CEP192: variants seen among roughly 807,000 people sequenced by gnomAD.
CEP192 encodes the protein centrosomal protein of 192 kDa.
In CEP192, 151 loss-of-function variants were observed where a neutral mutation model predicts 271.8. The observed-to-expected ratio is 0.56, with a 90% CI of 0.49 to 0.64. The LOEUF (loss-of-function observed/expected upper bound fraction) is 0.64, where lower values mean the gene tolerates loss of function less well. Among genes scored for constraint, CEP192 ranks in the 30% least tolerant of loss-of-function variants. The pLI is 0.00. For missense variants in CEP192, 2,910 were observed against 3,020.5 expected, an observed-to-expected ratio of 0.96 and a Z score of 0.86; for synonymous variants, 995 against 1,076.5, an observed-to-expected ratio of 0.92 and a Z score of 1.48.
Position 13,049,034 on chromosome 18 carries a change from A to C in CEP192, c.2243A>C (p.Lys748Thr), listed in dbSNP as rs771893737. The C allele has an allele frequency of 6.2e-7, 1 of 1,614,182 alleles. No homozygotes were observed. ...IKALSNKTRD[K>T]TFQEDEKQKD... ...GCACTTTCAAATAAAACCAGAGACA[A>C]GACTTTTCAGGAAGATGAGAAACAA... The change falls in exon 16 of 45, where the codon AAG becomes ACG. Residue 748 changes from lysine to threonine, a missense_variant. By Grantham distance (78) the Lys-to-Thr change is moderately conservative. Transcript: ENST00000506447.
intron 4 of CEP192, among the ~76,000 whole-genome samples, chr18:13,009,788 G>A (rs1485775834): frequency 2.0e-5 from 3 of 152,214 alleles, no homozygotes; most frequent in South Asian, 4.1e-4. Context: ...AGCCGAGATC[G>A]TGCCACTGTA....
Position 13,003,206 on chromosome 18 carries a change from T to C in CEP192, c.290+1624T>C, listed in dbSNP as rs546055118. Among the ~76,000 whole-genome samples, 6 of 152,198 alleles carry C rather than the reference T, an allele frequency of 3.9e-5. No individual in the cohort carries two copies. The South Asian group carries it at 1.0e-3, about 26-fold the overall frequency. Reference sequence around the variant, plus strand: ...GCTCTTGCCTGTAATCCCAACACTTTGGAAGCCTAAGGCAGGTAGATCGCC... The same window carrying C: ...GCTCTTGCCTGTAATCCCAACACTTCGGAAGCCTAAGGCAGGTAGATCGCC... On this transcript the variant is annotated intron_variant, in intron 3 of 44. Coordinates refer to ENST00000506447, the MANE Select transcript of CEP192 (RefSeq NM_032142.4).
Position 13,105,042 on chromosome 18 carries a change from C to T in CEP192, c.7010C>T (p.Pro2337Leu). 2 of 1,614,082 alleles carry T rather than the reference C, an allele frequency of 1.2e-6. No individual in the cohort carries two copies. The change falls in exon 40 of 45, where the codon CCT (proline) becomes CTT (leucine). Residue 2337 changes from proline (P) to leucine (L), a missense_variant. By Grantham distance (98) the Pro-to-Leu change is moderately conservative. Transcript: ENST00000506447. ...RATYAAFRCS[P>L]ISGLLESHGI... ...ACCTATGCAGCATTCAGATGTTCTC[C>T]TATTTCTGGTCTGCTGGAAAGCCAT...
At chr18:13,007,949 G>C (rs774145457) in intron 3 of CEP192, among the ~76,000 whole-genome samples, 13 of 152,150 alleles carry the variant, frequency 8.5e-5, no homozygotes, top group Admixed American at 3.9e-4. Context: ...TTTGGAGTAG[G>C]GTGGGAGGAA....
Position 13,038,518 on chromosome 18 carries a change from A to G in CEP192, c.1748A>G (p.Glu583Gly). ...AGTTATTTACGTCTGTCTTTAGGAGAGTTCTTTGCTCAAAGATCTGAAGCT... is the reference window on the plus strand; with the variant it reads ...AGTTATTTACGTCTGTCTTTAGGAGGGTTCTTTGCTCAAAGATCTGAAGCT... The part of the protein sequence containing the change: ...DASYLRLSLG[E>G]FFAQRSEALG... Residue 583 changes from glutamate (E) to glycine (G), a missense_variant, in exon 13 of 45, where the codon GAG becomes GGG. Coordinates refer to ENST00000506447, the MANE Select transcript of CEP192 (RefSeq NM_032142.4). 1 of 1,551,566 alleles carries G rather than the reference A, an allele frequency of 6.4e-7. No homozygotes were observed. Among genetic ancestry groups the G allele is most frequent in the Non-Finnish European group, 8.7e-7 (1 of 1,146,966 alleles).
intron 38 of CEP192, among the ~76,000 whole-genome samples, chr18:13,102,391 G>A (rs983478045): frequency 6.6e-6 from 1 of 151,742 alleles, no homozygotes; most frequent in Non-Finnish European, 1.5e-5. Context: ...TTGTTGATTC[G>A]TCTCCACCAG....
chr18:13,070,644 C>A (rs940552624), intron 27 of CEP192, among the ~76,000 whole-genome samples: 4 of 152,214 alleles, frequency 2.6e-5, no homozygotes, highest in African/African-American at 9.6e-5. Context: ...TATCCCCCTG[C>A]CTGGGTTATA....
chr18:13,008,319 C>G, intron 3 of CEP192, 137 bp from the exon 4 acceptor site: 1 of 657,388 alleles, frequency 1.5e-6, no homozygotes, highest in Admixed American at 3.0e-5. Context: ...AGTTTTCTGG[C>G]TAGACTCAAA....
At chr18:13,001,381 G>T (rs186167390) in intron 2 of CEP192, 76 bp from the exon 3 acceptor site, 3 of 1,011,496 alleles carry the variant, frequency 3.0e-6, no homozygotes, top group Non-Finnish European at 4.3e-6. Context: ...TTACTGTCAC[G>T]CAGCCCTATG....
rs188839409 is a variant in CEP192, at chr18:13,024,150, A to G, written c.1050+4944A>G. Among the ~76,000 whole-genome samples the G allele has an allele frequency of 7.0e-4, 107 of 152,176 alleles. 1 individual carries two copies. Among genetic ancestry groups the G allele is most frequent in the Admixed American group, 1.2e-3 (19 of 15,278 alleles). ...CTTTGTAGTTCTATTAGTTTTTACT[A>G]CCTGTATTTTGATGCTGTCTTGTAA... On this transcript the variant is annotated intron_variant, in intron 9 of 44. Coordinates refer to ENST00000506447, the MANE Select transcript of CEP192 (RefSeq NM_032142.4).
chr18:13,081,162 G>GT (rs1161783703), intron 30 of CEP192, among the ~76,000 whole-genome samples: 1 of 152,204 alleles, frequency 6.6e-6, no homozygotes, highest in Non-Finnish European at 1.5e-5. Context: ...TAAAAAATGA[G>GT]TTAGGGAGGA....
chr18:13,002,645 A>G (rs546273724), intron 3 of CEP192, among the ~76,000 whole-genome samples: 46 of 152,202 alleles, frequency 3.0e-4, no homozygotes, highest in African/African-American at 1.1e-3. Context: ...CCTGCCCAGC[A>G]TTTGATGGTG....
intron 1 of CEP192, among the ~76,000 whole-genome samples, chr18:12,992,262 C>G (rs12605006): frequency 0.49 from 74,236 of 151,992 alleles, 18,246 homozygotes; most frequent in Middle Eastern, 0.56. Context: ...AAACGGCAAG[C>G]CTTGAACAAT....
intron 36 of CEP192, among the ~76,000 whole-genome samples, chr18:13,096,851 T>C (rs1369854229): frequency 6.6e-6 from 1 of 152,186 alleles, no homozygotes; most frequent in African/African-American, 2.4e-5. Context: ...GGGCCGGCCA[T>C]TTATACACAG....
intron 11 of CEP192, among the ~76,000 whole-genome samples, chr18:13,031,243 GTTTTT>G (rs60557979): frequency 2.0e-5 from 2 of 101,654 alleles, no homozygotes; most frequent in African/African-American, 4.1e-5. Flanking sequence ...CCTTATTGTT[GTTTTT>G]TTTTTTTTTT....
Position 13,068,077 on chromosome 18 carries a change from C to G in CEP192, c.4615-17C>G, listed in dbSNP as rs763012992. ...CACTGTTGGCTTTACTGAACTGATT[C>G]TTGTATTTCTAAACAGAACGCTGTA... On this transcript the variant is annotated splice_polypyrimidine_tract_variant and intron_variant, in intron 22 of 44. Transcript: ENST00000506447. The G allele has an allele frequency of 1.2e-6, 2 of 1,613,692 alleles. No homozygotes were observed. Among genetic ancestry groups the G allele is most frequent in the Admixed American group, 3.3e-5 (2 of 59,942 alleles).
At chr18:13,076,274 C>T (rs2038270798) in intron 30 of CEP192, among the ~76,000 whole-genome samples, 2 of 152,288 alleles carry the variant, frequency 1.3e-5, no homozygotes. Context: ...CATCGCCAGG[C>T]GGGAGTGCAG....
intron 35 of CEP192, 73 bp from the exon 36 acceptor site, chr18:13,096,111 T>G: frequency 6.7e-7 from 1 of 1,488,900 alleles, no homozygotes; most frequent in Admixed American, 1.7e-5. Context: ...GGGTTCTGGT[T>G]TATTAGTTGT....
chr18:13,003,451 GAAAAA>G (rs545191456), intron 3 of CEP192, among the ~76,000 whole-genome samples: 28,845 of 101,510 alleles, frequency 0.28, 3,407 homozygotes, highest in East Asian at 0.47. Context: ...TCTGTCTCAA[GAAAAA>G]AAAAAAAAAA....
Sources: gnomAD v4.1 joint callset for allele counts (sites outside exome capture counted in the v4.1 genomes callset) on GRCh38, gnomAD v4.1.1 for gene constraint, MANE v1.5 for transcripts, NCBI Gene and HGNC (gene_info 2026-07-23, HGNC 2026-07-21) for gene names.